TMEFF1: variants seen among roughly 807,000 people sequenced by gnomAD.
The protein encoded by TMEFF1 is transmembrane protein with EGF like and two follistatin like domains 1.
In TMEFF1, 20 loss-of-function variants were observed where a neutral mutation model predicts 47.5. That is an observed-to-expected ratio of 0.42 (90% CI 0.30 to 0.61). The LOEUF is 0.61. Ranked by LOEUF, TMEFF1 falls within the 20% of genes least tolerant of loss-of-function variation. The pLI, the probability that TMEFF1 is intolerant of heterozygous loss-of-function variation, is 0.19. For synonymous variants in TMEFF1, 162 were observed against 166.3 expected (o/e 0.97, Z 0.20); for missense variants, 411 against 471.1 (o/e 0.87, Z 1.18).
At chr9:100,563,552 T>C (rs1274668562) in intron 8 of TMEFF1, among the ~76,000 whole-genome samples, 2 of 152,218 alleles carry the variant, frequency 1.3e-5, no homozygotes, top group Admixed American at 1.3e-4. Context: ...ACGTAAAATA[T>C]CTAAGCCTCA....
intron 5 of TMEFF1, among the ~76,000 whole-genome samples, chr9:100,533,586 A>G (rs1838443092): frequency 6.6e-6 from 1 of 152,084 alleles, no homozygotes; most frequent in African/African-American, 2.4e-5. Flanking sequence ...TTTTGGTTTT[A>G]CTAACCTCTG....
At chr9:100,515,262 A>G (rs995401690) in intron 4 of TMEFF1, among the ~76,000 whole-genome samples, 5 of 152,142 alleles carry the variant, frequency 3.3e-5, no homozygotes, top group African/African-American at 1.2e-4. Context: ...CAGTTAATAT[A>G]CAGACCTTAG....
chr9:100,482,978 A>AT (rs1047358176), intron 1 of TMEFF1, among the ~76,000 whole-genome samples: 26 of 149,622 alleles, frequency 1.7e-4, no homozygotes, highest in Admixed American at 1.0e-3. Context: ...TTTTATGTCT[A>AT]TTTTTTTTTC....
intron 1 of TMEFF1, among the ~76,000 whole-genome samples, chr9:100,488,678 G>C (rs1056967100): frequency 1.2e-4 from 18 of 152,150 alleles, no homozygotes; most frequent in Non-Finnish European, 2.2e-4. Context: ...TGAGATAGGT[G>C]CTGTTATTGT....
At chr9:100,526,967 A>G (rs1838269465) in intron 5 of TMEFF1, among the ~76,000 whole-genome samples, 1 of 149,640 alleles carries the variant, frequency 6.7e-6, no homozygotes. Context: ...AAAAAAAAAA[A>G]AAAAAAAAAA....
chr9:100,528,278 C>T (rs949099348), intron 5 of TMEFF1, among the ~76,000 whole-genome samples: 78 of 150,390 alleles, frequency 5.2e-4, no homozygotes, highest in African/African-American at 1.8e-3. Flanking sequence ...AGGCTTCAGA[C>T]GATCAAATTA....
chr9:100,478,153 G>A (rs77119494), intron 1 of TMEFF1, among the ~76,000 whole-genome samples: 15,622 of 152,154 alleles, frequency 0.1, 1,006 homozygotes, highest in Middle Eastern at 0.18. Flanking sequence ...ACTTACCTTA[G>A]AAGCTGGTTT....
rs367916611 is a variant in TMEFF1 at position 100,572,669 on chromosome 9, A to T, written c.1051A>T (p.Ile351Leu). 37 of 1,605,382 alleles carry T rather than the reference A, an allele frequency of 2.3e-5. No individual in the cohort carries two copies. The highest frequency in any genetic ancestry group is 2.8e-5 in the Non-Finnish European group (33 of 1,176,968). Residue 351 changes from isoleucine (I) to leucine (L), a missense_variant, in exon 9 of 10, where the codon ATA (isoleucine) becomes TTA (leucine). Physicochemically the swap from Ile to Leu is conservative, Grantham distance 5 (BLOSUM62 2). Coordinates refer to ENST00000374879, the MANE Select transcript of TMEFF1 (RefSeq NM_003692.5). The part of the protein sequence containing the change: ...IAIIVAIVMC[I>L]TRKCPKNNRG... ...CATCATAGTAGCAATTGTAATGTGC[A>T]TAACAAGGTAGGTAATGATGTAAGA...
intron 2 of TMEFF1, among the ~76,000 whole-genome samples, chr9:100,501,635 T>C (rs983628666): frequency 6.6e-6 from 1 of 152,050 alleles, no homozygotes; most frequent in East Asian, 1.9e-4. Flanking sequence ...ATTTATTTAT[T>C]TATTTTTATT....
At position 100,567,062 on chromosome 9, in the gene TMEFF1, G is replaced by C. The variant is rs1305609585; in HGVS notation, c.900-5456G>C. 2.0e-5 allele frequency among the ~76,000 whole-genome samples: 3 copies of C among 152,086 alleles called. No individual in the cohort carries two copies. In the East Asian group the frequency reaches 5.8e-4, roughly 29 times the overall value. On this transcript the variant is annotated intron_variant, in intron 8 of 9. Transcript: ENST00000374879. ...AAAAGTCAGTTCGTATCATTCCTCT[G>C]CTAAAATCCTTCCAGTGGTTCCTTC...
At chr9:100,488,567 A>G (rs1321087326) in intron 1 of TMEFF1, among the ~76,000 whole-genome samples, 1 of 152,190 alleles carries the variant, frequency 6.6e-6, no homozygotes, top group Non-Finnish European at 1.5e-5. Flanking sequence ...AACTGGTGCT[A>G]ATAAAAAACA....
At chr9:100,523,586 A>G (rs1360789358) in intron 5 of TMEFF1, among the ~76,000 whole-genome samples, 1 of 152,246 alleles carries the variant, frequency 6.6e-6, no homozygotes, top group Non-Finnish European at 1.5e-5. Flanking sequence ...GAAAAAGACT[A>G]GCGTTGAATT....
intron 8 of TMEFF1, among the ~76,000 whole-genome samples, chr9:100,571,510 T>G (rs1839239578): frequency 6.6e-6 from 1 of 152,154 alleles, no homozygotes; most frequent in African/African-American, 2.4e-5. Flanking sequence ...AGGTAATGCA[T>G]ATGTTAATTA....
At chr9:100,515,019 T>A (rs1347551746) in intron 4 of TMEFF1, among the ~76,000 whole-genome samples, 7 of 151,290 alleles carry the variant, frequency 4.6e-5, no homozygotes, top group African/African-American at 1.2e-4. Flanking sequence ...TAAAAAAATT[T>A]AAAAAAGCCA....
chr9:100,560,051 G>A (rs1187207510), intron 7 of TMEFF1, among the ~76,000 whole-genome samples: 1 of 151,766 alleles, frequency 6.6e-6, no homozygotes, highest in Non-Finnish European at 1.5e-5. Context: ...CTTCTCCCTT[G>A]ATCTTCCTCT....
At chr9:100,491,050 CT>C (rs1330330745) in intron 1 of TMEFF1, among the ~76,000 whole-genome samples, 1 of 151,994 alleles carries the variant, frequency 6.6e-6, no homozygotes, top group Non-Finnish European at 1.5e-5. Context: ...GTTTTGTGGT[CT>C]GCATTTTCAC....
chr9:100,501,837 A>G (rs559146328), intron 2 of TMEFF1, among the ~76,000 whole-genome samples: 11 of 151,914 alleles, frequency 7.2e-5, no homozygotes, highest in Admixed American at 5.9e-4. Context: ...TAGAGACGGG[A>G]TTTCACCATG....
chr9:100,495,635 A>C (rs1330234137), intron 1 of TMEFF1, among the ~76,000 whole-genome samples: 2 of 152,198 alleles, frequency 1.3e-5, no homozygotes, highest in Non-Finnish European at 1.5e-5. Flanking sequence ...TCTGATGATA[A>C]ACTAATCACA....
At chr9:100,489,553 A>G (rs1837512922) in intron 1 of TMEFF1, among the ~76,000 whole-genome samples, 1 of 152,236 alleles carries the variant, frequency 6.6e-6, no homozygotes, top group South Asian at 2.1e-4. Flanking sequence ...TTTTAAAAGT[A>G]ATACAAGTTT....
Sources: gnomAD v4.1 joint callset for allele counts (sites outside exome capture counted in the v4.1 genomes callset) on GRCh38, gnomAD v4.1.1 for gene constraint, MANE v1.5 for transcripts, NCBI Gene and HGNC (gene_info 2026-07-23, HGNC 2026-07-21) for gene names.